ARHGEF26: variants seen among roughly 807,000 people sequenced by gnomAD.
The protein encoded by ARHGEF26 is Rho guanine nucleotide exchange factor 26.
ARHGEF26 carries 59 observed loss-of-function variants against 89.4 expected under a neutral mutation model. The observed-to-expected ratio is 0.66, with a 90% CI of 0.54 to 0.82. The LOEUF is 0.82. Ranked by LOEUF, ARHGEF26 falls within the 40% of genes least tolerant of loss-of-function variation. The probability of loss-of-function intolerance (pLI) is 0.00; values close to 1 mark genes in which losing one functional copy is unlikely to be tolerated. For synonymous variants in ARHGEF26, 500 were observed against 428.4 expected (o/e 1.17, Z -2.06); for missense variants, 1,234 against 1,085.6 (o/e 1.14, Z -1.92).
intron 11 of ARHGEF26, among the ~76,000 whole-genome samples, chr3:154,236,984 GC>G (rs937116481): frequency 6.6e-6 from 1 of 152,148 alleles, no homozygotes. Context: ...CCTTGTTCAG[GC>G]ATATTCAATG....
rs1162528653 is a variant in ARHGEF26 at position 154,255,789 on chromosome 3, A to G, written c.*316A>G. On this transcript the variant is annotated 3_prime_UTR_variant, in exon 15 of 15. Transcript: ENST00000465093. ...ACCATGTTCTGGCAATAAAAAACACATATTATATCCTGGTTTTCTCTATCC... is the reference window on the plus strand; with the variant it reads ...ACCATGTTCTGGCAATAAAAAACACGTATTATATCCTGGTTTTCTCTATCC... 27 of 1,123,062 alleles carry G rather than the reference A, an allele frequency of 2.4e-5. No homozygotes were observed. Among genetic ancestry groups the G allele is most frequent in the South Asian group, 3.6e-5 (1 of 27,770 alleles). 69.6% of individuals were successfully genotyped at this position (1,123,062 alleles called of 1,614,324 possible).
intron 12 of ARHGEF26, among the ~76,000 whole-genome samples, chr3:154,252,739 G>A (rs986278977): frequency 4.6e-5 from 7 of 152,262 alleles, no homozygotes; most frequent in African/African-American, 1.7e-4. Context: ...AGAGAAATTA[G>A]TAGGATTTTT....
At chr3:154,239,299 AGTGTGTGTGTGTGT>A (rs142191516) in intron 11 of ARHGEF26, among the ~76,000 whole-genome samples, 62 of 64,300 alleles carry the variant, frequency 9.6e-4, no homozygotes, top group Middle Eastern at 0.015. Context: ...AGAGAGAGAG[AGTGTGTGTGTGTGT>A]GTGTGTGTGT....
intron 6 of ARHGEF26, among the ~76,000 whole-genome samples, chr3:154,160,482 A>G (rs145220778): frequency 1.8e-4 from 27 of 152,174 alleles, no homozygotes; most frequent in Non-Finnish European, 3.8e-4. Context: ...AAATCCCAGT[A>G]AAAATGATGG....
At chr3:154,205,996 G>A (rs1215646931) in intron 9 of ARHGEF26, among the ~76,000 whole-genome samples, 3 of 151,984 alleles carry the variant, frequency 2.0e-5, no homozygotes, top group Non-Finnish European at 4.4e-5. Context: ...GTACCTTCAG[G>A]TGATTACTTA....
At chr3:154,211,657 T>G (rs1715367601) in intron 9 of ARHGEF26, among the ~76,000 whole-genome samples, 2 of 152,112 alleles carry the variant, frequency 1.3e-5, no homozygotes, top group South Asian at 4.1e-4. Flanking sequence ...TCTGTGTAGA[T>G]AGTTGTTAAA....
At chr3:154,161,794 A>C (rs1252620737) in intron 6 of ARHGEF26, among the ~76,000 whole-genome samples, 1 of 152,194 alleles carries the variant, frequency 6.6e-6, no homozygotes, top group African/African-American at 2.4e-5. Context: ...GATTAGGACT[A>C]AAACCTGAGC....
rs918886280 is a variant in ARHGEF26 at position 154,191,413 on chromosome 3, A to T, written c.1765A>T (p.Met589Leu). ...MQRVTRLPLL[M>L]DTICQKTPKD... ...GAGGGTGACCCGCCTTCCCCTGCTG[A>T]TGGATGTAAGACATGACGGTGGCTT... is the stretch of plus-strand genomic sequence containing the variant. The change falls in exon 8 of 15, where the codon ATG (methionine) becomes TTG (leucine). Residue 589 changes from methionine to leucine, a missense_variant. Coordinates refer to ENST00000465093, the MANE Select transcript of ARHGEF26 (RefSeq NM_015595.4). The T allele has an allele frequency of 7.4e-6, 12 of 1,613,674 alleles. No homozygotes were observed. In the Middle Eastern group the frequency reaches 6.6e-4, roughly 89 times the overall value.
At chr3:154,132,015 T>G (rs1391384550) in intron 4 of ARHGEF26, among the ~76,000 whole-genome samples, 6 of 152,208 alleles carry the variant, frequency 3.9e-5, no homozygotes, top group Non-Finnish European at 4.4e-5. Flanking sequence ...TTAGTGTATG[T>G]TATCTTGGAG....
chr3:154,129,465 C>A, intron 3 of ARHGEF26, 109 bp from the exon 4 acceptor site: 1 of 1,195,902 alleles, frequency 8.4e-7, no homozygotes, highest in South Asian at 1.7e-5. Flanking sequence ...GTTTGTCTCT[C>A]TGTTTATAAA....
At position 154,174,907 on chromosome 3, in the gene ARHGEF26, A is replaced by G. The variant is rs113174168; in HGVS notation, c.1488-12778A>G. Among the ~76,000 whole-genome samples, 215 of 152,300 alleles carry G rather than the reference A, an allele frequency of 1.4e-3. 2 individuals are homozygous for G. Among genetic ancestry groups the G allele is most frequent in the African/African-American group, 4.9e-3 (204 of 41,566 alleles). On this transcript the variant is annotated intron_variant, in intron 6 of 14. Coordinates refer to ENST00000465093, the MANE Select transcript of ARHGEF26 (RefSeq NM_015595.4). ...GAAAATGCTTAAAATTAGAAAATAT[A>G]TAGACATATACTTTTTATAAACATT...
In ARHGEF26 at chr3:154,250,181, C is replaced by T. The variant is rs1356934607; in HGVS notation, c.2301-2935C>T. ...AGTAGCTGGGATTACAGGCGTGCAC[C>T]ACCACGCCCAGCTAATTTTGTATTT... On this transcript the variant is annotated intron_variant, in intron 12 of 14. Coordinates refer to ENST00000465093, the MANE Select transcript of ARHGEF26 (RefSeq NM_015595.4). Among the ~76,000 whole-genome samples, 3 of 152,246 alleles carry T rather than the reference C, an allele frequency of 2.0e-5. No individual in the cohort carries two copies. In the East Asian group the frequency reaches 5.8e-4, roughly 30 times the overall value.
At chr3:154,254,565 G>A (rs958926264) in intron 13 of ARHGEF26, among the ~76,000 whole-genome samples, 155 bp from the exon 14 acceptor site, 6 of 152,192 alleles carry the variant, frequency 3.9e-5, no homozygotes, top group African/African-American at 1.4e-4. Context: ...CAAGGGAGTT[G>A]CTAGAAAAGA....
intron 6 of ARHGEF26, among the ~76,000 whole-genome samples, chr3:154,173,720 A>G (rs1712619853): frequency 1.3e-5 from 2 of 152,290 alleles, no homozygotes; most frequent in African/African-American, 2.4e-5. Context: ...TGTCTTAGCA[A>G]CTAAATGAAA....
chr3:154,130,146 A>C (rs1023501778), intron 4 of ARHGEF26, among the ~76,000 whole-genome samples: 7 of 29,014 alleles, frequency 2.4e-4, no homozygotes, highest in Admixed American at 1.5e-3. Flanking sequence ...CTTCCTTGGA[A>C]ATTTTTTTTT....
intron 6 of ARHGEF26, among the ~76,000 whole-genome samples, chr3:154,171,588 T>C (rs1366162022): frequency 1.3e-5 from 2 of 152,190 alleles, no homozygotes; most frequent in African/African-American, 4.8e-5. Flanking sequence ...AGTTTTGCCT[T>C]TTCTAATGCT....
At chr3:154,228,067 A>G (rs1178327926) in intron 11 of ARHGEF26, among the ~76,000 whole-genome samples, 2 of 151,828 alleles carry the variant, frequency 1.3e-5, no homozygotes, top group African/African-American at 2.4e-5. Context: ...GCTATCCCAC[A>G]TTTATTTGCT....
At chr3:154,189,399 G>A (rs576398352) in intron 7 of ARHGEF26, among the ~76,000 whole-genome samples, 9 of 146,852 alleles carry the variant, frequency 6.1e-5, no homozygotes, top group Non-Finnish European at 1.2e-4. Flanking sequence ...GTGCAGTGGC[G>A]CAATCTTGGG....
chr3:154,178,499 T>C (rs191592625), intron 6 of ARHGEF26, among the ~76,000 whole-genome samples: 5 of 152,334 alleles, frequency 3.3e-5, no homozygotes, highest in Non-Finnish European at 5.9e-5. Flanking sequence ...ATATAAAATG[T>C]GGTCTTTGAT....
Sources: allele counts gnomAD v4.1 joint callset (sites outside exome capture counted in the v4.1 genomes callset), GRCh38; gene constraint gnomAD v4.1.1; transcripts MANE v1.5; gene names NCBI Gene and HGNC (gene_info 2026-07-23, HGNC 2026-07-21).